MIR2052HG: variants seen among roughly 807,000 people sequenced by gnomAD.
The protein encoded by MIR2052HG is MIR2052 host gene.
intron 2 of MIR2052HG, among the ~76,000 whole-genome samples, chr8:74,673,081 G>C (rs1395489216): frequency 6.6e-6 from 1 of 151,816 alleles, no homozygotes; most frequent in African/African-American, 2.4e-5. Flanking sequence ...GAAAGAAGAG[G>C]CAAAAAGAAA....
intron 2 of MIR2052HG, among the ~76,000 whole-genome samples, chr8:74,675,377 G>A (rs760649907): frequency 1.3e-5 from 2 of 151,984 alleles, no homozygotes; most frequent in South Asian, 4.1e-4. Flanking sequence ...TATTTACATA[G>A]CATTTACATT....
intron 4 of MIR2052HG, among the ~76,000 whole-genome samples, chr8:74,735,409 C>T (rs1177080310): frequency 6.6e-6 from 1 of 152,148 alleles, no homozygotes; most frequent in East Asian, 1.9e-4. Flanking sequence ...AGTATACAGT[C>T]CTCATATCTC....
intron 2 of MIR2052HG, among the ~76,000 whole-genome samples, chr8:74,688,324 A>T (rs1470748957): frequency 6.6e-6 from 1 of 152,248 alleles, no homozygotes; most frequent in Non-Finnish European, 1.5e-5. Context: ...TACTTAACTT[A>T]TTAAGCTGAC....
chr8:74,717,096 C>G (rs1266253724), intron 4 of MIR2052HG, among the ~76,000 whole-genome samples: 1 of 151,922 alleles, frequency 6.6e-6, no homozygotes, highest in Non-Finnish European at 1.5e-5. Context: ...ACCTATCAAC[C>G]CGTCATCTAG....
intron 4 of MIR2052HG, among the ~76,000 whole-genome samples, chr8:74,707,595 A>G (rs1421101151): frequency 2.6e-5 from 4 of 151,962 alleles, no homozygotes; most frequent in African/African-American, 9.7e-5. Flanking sequence ...TTTAACTGCA[A>G]CTGGGGCTAT....
At chr8:74,683,475 G>T (rs1809146774) in intron 2 of MIR2052HG, among the ~76,000 whole-genome samples, 1 of 152,076 alleles carries the variant, frequency 6.6e-6, no homozygotes, top group Non-Finnish European at 1.5e-5. Flanking sequence ...GTAGCAACAG[G>T]AGAATTACAC....
chr8:74,693,999 A>G (rs1354087430), intron 2 of MIR2052HG, among the ~76,000 whole-genome samples: 4 of 152,178 alleles, frequency 2.6e-5, no homozygotes, highest in East Asian at 1.9e-4. Context: ...TCCCTATACT[A>G]TTGCAGCTGA....
chr8:74,663,115 C>T (rs1808884875), intron 2 of MIR2052HG, among the ~76,000 whole-genome samples: 1 of 151,972 alleles, frequency 6.6e-6, no homozygotes, highest in African/African-American at 2.4e-5. Flanking sequence ...AGTCCATTAG[C>T]ATTACTTATT....
chr8:74,751,064 C>G (rs1258388966), intron 4 of MIR2052HG, among the ~76,000 whole-genome samples: 1 of 152,196 alleles, frequency 6.6e-6, no homozygotes, highest in Middle Eastern at 3.4e-3. Flanking sequence ...GCAAATTTGC[C>G]CACTCATTAA....
At chr8:74,634,517 A>AT (rs1666160098) in intron 2 of MIR2052HG, among the ~76,000 whole-genome samples, 5 of 151,778 alleles carry the variant, frequency 3.3e-5, no homozygotes, top group Non-Finnish European at 5.9e-5. Context: ...TTTCACCTTA[A>AT]ATTTTTTTTT....
At chr8:74,612,105 G>T (rs555497554) in intron 1 of MIR2052HG, among the ~76,000 whole-genome samples, 1 of 152,296 alleles carries the variant, frequency 6.6e-6, no homozygotes, top group African/African-American at 2.4e-5. Flanking sequence ...CCCAGTGGCC[G>T]CATGACACCT....
At chr8:74,722,851 C>T (rs1250908881) in intron 4 of MIR2052HG, among the ~76,000 whole-genome samples, 1 of 152,152 alleles carries the variant, frequency 6.6e-6, no homozygotes, top group Non-Finnish European at 1.5e-5. Context: ...GCATCTTGCC[C>T]AAGATTACAC....
At chr8:74,657,924 A>T (rs1381334883) in intron 2 of MIR2052HG, among the ~76,000 whole-genome samples, 1 of 152,146 alleles carries the variant, frequency 6.6e-6, no homozygotes, top group Non-Finnish European at 1.5e-5. Flanking sequence ...TCCCTAGGTG[A>T]TTCACATGTT....
At chr8:74,624,645 G>A (rs1808410915) in intron 2 of MIR2052HG, among the ~76,000 whole-genome samples, 1 of 152,194 alleles carries the variant, frequency 6.6e-6, no homozygotes, top group Non-Finnish European at 1.5e-5. Flanking sequence ...AAATGCATTT[G>A]ATCAACCTGC....
intron 4 of MIR2052HG, among the ~76,000 whole-genome samples, chr8:74,750,709 A>G (rs1414197088): frequency 6.6e-6 from 1 of 152,206 alleles, no homozygotes. Context: ...CTCTTGCCTT[A>G]TAACTTCATA....
chr8:74,687,553 A>G (rs1482584336), intron 2 of MIR2052HG, among the ~76,000 whole-genome samples: 1 of 152,188 alleles, frequency 6.6e-6, no homozygotes, highest in East Asian at 1.9e-4. Flanking sequence ...ACTGGAGAAC[A>G]TTATACTAAG....
intron 4 of MIR2052HG, among the ~76,000 whole-genome samples, chr8:74,738,765 G>T (rs1809797468): frequency 6.6e-6 from 1 of 152,154 alleles, no homozygotes; most frequent in Non-Finnish European, 1.5e-5. Context: ...GAGAAAGAGG[G>T]ATCATTGATT....
intron 2 of MIR2052HG, chr8:74,625,199 CAG>C (rs1434377578): frequency 6.6e-6 from 1 of 152,128 alleles, no homozygotes; most frequent in African/African-American, 2.4e-5. Flanking sequence ...GCAAGGACTA[CAG>C]GCATACATCA....
At position 74,609,123 on chromosome 8, in the gene MIR2052HG, A is replaced by G. The variant is rs189482226; in HGVS notation, n.129-3730A>G. ...CAGGAATAAGATATGTGACATCACT[A>G]AAGAGTTTATTGATATTAAGAGGAT... On this transcript the variant is annotated intron_variant and non_coding_transcript_variant, in intron 1 of 6. Transcript: ENST00000523442. Among the ~76,000 whole-genome samples, 423 of 152,134 alleles carry G rather than the reference A, an allele frequency of 2.8e-3. 1 individual carries two copies. The highest frequency in any genetic ancestry group is 3.4e-3 in the Middle Eastern group (1 of 294).
Sources: allele counts gnomAD v4.1 joint callset (sites outside exome capture counted in the v4.1 genomes callset), GRCh38; gene constraint gnomAD v4.1.1; transcripts MANE v1.5; gene names NCBI Gene and HGNC (gene_info 2026-07-23, HGNC 2026-07-21).